FRMD4B: variants seen among roughly 807,000 people sequenced by gnomAD.
FRMD4B encodes FERM domain-containing protein 4B.
Under a neutral mutation model 141.5 loss-of-function variants are expected in FRMD4B, and 74 were observed. The observed-to-expected ratio is 0.52, with a 90% CI of 0.43 to 0.63. The LOEUF is 0.63. Among genes scored for constraint, FRMD4B ranks in the 30% least tolerant of loss-of-function variants. FRMD4B has a pLI of 0.00. For synonymous variants in FRMD4B, 506 were observed against 467.9 expected (o/e 1.08, Z -1.05); for missense variants, 1,366 against 1,253.4 (o/e 1.09, Z -1.36).
rs796759827 is a variant in FRMD4B at position 69,182,636 on chromosome 3, T to C, written c.2001A>G (p.Pro667=). Reference sequence around the variant, plus strand: ...TGCTGTAGGCGTTTCGGGTAAGAACTGGCGTGGTGGGCATGCTTCGTCCTC... The same window carrying C: ...TGCTGTAGGCGTTTCGGGTAAGAACCGGCGTGGTGGGCATGCTTCGTCCTC... The part of the protein sequence containing the change: ...PQGGRSMPTT[P]VLTRNAYSSS... Residue 667 remains proline, a synonymous_variant, in exon 20 of 23, where the codon CCA becomes CCG. Transcript: ENST00000398540. The C allele has an allele frequency of 1.2e-6, 2 of 1,613,768 alleles. No individual in the cohort carries two copies. The highest frequency in any genetic ancestry group is 1.7e-6 in the Non-Finnish European group (2 of 1,179,798).
At position 69,323,507 on chromosome 3, in the gene FRMD4B, G is replaced by A. The variant is rs565159888; in HGVS notation, c.163-9990C>T. On this transcript the variant is annotated intron_variant, in intron 1 of 22. Coordinates refer to ENST00000398540, the MANE Select transcript of FRMD4B (RefSeq NM_015123.3). ...TTGAACCCAGTGGGTGGAGGTTGCA[G>A]TGAGCTGAGGTCGCACCACTGCACT... Among the ~76,000 whole-genome samples, 4 of 151,496 alleles carry A rather than the reference G, an allele frequency of 2.6e-5. No individual in the cohort carries two copies. In the South Asian group the frequency reaches 8.4e-4, roughly 32 times the overall value.
rs576534449 is a variant in FRMD4B, at chr3:69,500,884, G to T, written c.-129+41322C>A. On this transcript the variant is annotated intron_variant, in intron 1 of 5. Coordinates refer to the FRMD4B transcript ENST00000459638. ...AATAAAGAATCCCCAGGACAAGTGG[G>T]AAAGTCACGCTCTCCACATGACAGC... Among the ~76,000 whole-genome samples, 3 of 152,236 alleles carry T rather than the reference G, an allele frequency of 2.0e-5. No homozygotes were observed. In the East Asian group the frequency reaches 5.8e-4, roughly 29 times the overall value.
intron 2 of FRMD4B, among the ~76,000 whole-genome samples, chr3:69,404,875 C>T (rs1034075186): frequency 7.2e-5 from 11 of 152,128 alleles, no homozygotes; most frequent in Admixed American, 1.3e-4. Flanking sequence ...GGGCAGGGAT[C>T]CTGATTGTCT....
At chr3:69,406,738 TG>T (rs1704655967) in intron 2 of FRMD4B, among the ~76,000 whole-genome samples, 1 of 151,944 alleles carries the variant, frequency 6.6e-6, no homozygotes, top group South Asian at 2.1e-4. Context: ...GTTTTGTTTT[TG>T]TTTTTTTTTT....
intron 4 of FRMD4B, among the ~76,000 whole-genome samples, chr3:69,288,544 G>A (rs1049756286): frequency 6.6e-6 from 1 of 152,240 alleles, no homozygotes; most frequent in Non-Finnish European, 1.5e-5. Context: ...CCTCTCAGGA[G>A]CGCTCTGACA....
chr3:69,214,496 G>A (rs1411647602), intron 11 of FRMD4B, among the ~76,000 whole-genome samples: 1 of 152,108 alleles, frequency 6.6e-6, no homozygotes, highest in Non-Finnish European at 1.5e-5. Flanking sequence ...GCAGCTGCAT[G>A]GTGATCTATA....
At position 69,215,969 on chromosome 3, in the gene FRMD4B, C is replaced by A. The variant is rs112602345; in HGVS notation, c.876+294G>T. On this transcript the variant is annotated intron_variant, in intron 11 of 22. Transcript: ENST00000398540. ...AGAAGTTTGAGACCAGCCTGGCCAA[C>A]ATGGCAAAACCCCGTCTCTACTAAA... 1.4e-3 allele frequency among the ~76,000 whole-genome samples: 219 copies of A among 152,214 alleles called. 1 individual carries two copies. The highest frequency in any genetic ancestry group is 4.9e-3 in the African/African-American group (204 of 41,530).
intron 2 of FRMD4B, among the ~76,000 whole-genome samples, chr3:69,397,712 GA>G (rs1271522947): frequency 6.6e-6 from 1 of 152,118 alleles, no homozygotes; most frequent in African/African-American, 2.4e-5. Context: ...AGGGCTGAGG[GA>G]ATTAGGGAGA....
intron 5 of FRMD4B, among the ~76,000 whole-genome samples, chr3:69,283,258 G>A (rs546986161): frequency 1.3e-4 from 20 of 151,744 alleles, no homozygotes; most frequent in Non-Finnish European, 1.8e-4. Flanking sequence ...GGTGTCAGGC[G>A]CCTGTAATCT....
chr3:69,202,537 A>G (rs1388669427), intron 11 of FRMD4B, among the ~76,000 whole-genome samples: 2 of 152,008 alleles, frequency 1.3e-5, no homozygotes, highest in Admixed American at 6.6e-5. Flanking sequence ...AAGAGTATGG[A>G]ACTAGAATGT....
intron 1 of FRMD4B, among the ~76,000 whole-genome samples, chr3:69,469,914 T>C (rs556045309): frequency 4.9e-4 from 75 of 152,178 alleles, no homozygotes; most frequent in Non-Finnish European, 9.9e-4. Context: ...TCAATTATAA[T>C]TTCACCAAAT....
intron 12 of FRMD4B, among the ~76,000 whole-genome samples, 193 bp from the exon 13 acceptor site, chr3:69,197,231 T>C (rs945528129): frequency 6.6e-6 from 1 of 152,212 alleles, no homozygotes; most frequent in Non-Finnish European, 1.5e-5. Context: ...AAGTAATCTC[T>C]TTCTGGATAA....
intron 1 of FRMD4B, among the ~76,000 whole-genome samples, chr3:69,501,015 T>C (rs1052546992): frequency 6.6e-6 from 1 of 152,136 alleles, no homozygotes; most frequent in African/African-American, 2.4e-5. Flanking sequence ...CTGGAAGCAG[T>C]GTGGTGTAGT....
chr3:69,183,474 ATTTTTTTTTT>A (rs771537044), intron 19 of FRMD4B, among the ~76,000 whole-genome samples: 2 of 113,252 alleles, frequency 1.8e-5, no homozygotes, highest in East Asian at 3.4e-4. Flanking sequence ...TTAGAAGTTA[ATTTTTTTTTT>A]TTTTTTTTTT....
At chr3:69,237,565 T>A (rs993342297) in intron 7 of FRMD4B, among the ~76,000 whole-genome samples, 1 of 152,150 alleles carries the variant, frequency 6.6e-6, no homozygotes, top group African/African-American at 2.4e-5. Context: ...AAGGCCTTCA[T>A]GGGGGTTTAG....
At chr3:69,310,572 A>G (rs1177930847) in intron 3 of FRMD4B, 3 of 255,168 alleles carry the variant, frequency 1.2e-5, no homozygotes, top group Non-Finnish European at 2.4e-5. Context: ...ACACACACAC[A>G]CACACACACA....
At chr3:69,225,519 C>CAAAAAA (rs35855787) in intron 7 of FRMD4B, among the ~76,000 whole-genome samples, 2 of 50,572 alleles carry the variant, frequency 4.0e-5, no homozygotes, top group Non-Finnish European at 6.6e-5. Context: ...ACTAAAAATA[C>CAAAAAA]AAAAAAAAAA....
At chr3:69,203,566 C>T (rs2092993867) in intron 11 of FRMD4B, among the ~76,000 whole-genome samples, 2 of 152,250 alleles carry the variant, frequency 1.3e-5, no homozygotes, top group South Asian at 4.2e-4. Flanking sequence ...GCCAAGTGAA[C>T]CAAGTCAGAT....
rs1013911670 is a variant in FRMD4B, at chr3:69,187,799, A to T, written c.1890T>A (p.Asn630Lys). 6.2e-7 allele frequency: 1 copy of T among 1,612,628 alleles called. No individual in the cohort carries two copies. Among genetic ancestry groups the T allele is most frequent in the Non-Finnish European group, 8.5e-7 (1 of 1,179,018 alleles). Residue 630 changes from asparagine (N) to lysine (K), a missense_variant, in exon 19 of 23, where the codon AAT becomes AAA. Asn to Lys is a moderately conservative substitution (Grantham distance 94). Transcript: ENST00000398540. ...ACTGCCTGGTATCCACAAACTGTTC[A>T]TTGATGGACGACTTTCTGAAATGGA... ...ERIHFRKSSI[N>K]EQFVDTRQSR... is the part of the protein sequence containing the mutation.
Sources: gnomAD v4.1 joint callset for allele counts (sites outside exome capture counted in the v4.1 genomes callset) on GRCh38, gnomAD v4.1.1 for gene constraint, MANE v1.5 for transcripts, NCBI Gene and HGNC (gene_info 2026-07-23, HGNC 2026-07-21) for gene names.